The following MCTP1 variants were observed in gnomAD, a reference collection of about 807,000 sequenced individuals.
MCTP1 encodes the protein multiple C2 and transmembrane domain containing 1.
In MCTP1, 69 loss-of-function variants were observed where a neutral mutation model predicts 120.6. The ratio of observed to expected loss-of-function variants is 0.57; its 90% CI spans 0.47 to 0.70. The LOEUF is 0.70. Ranked by LOEUF, MCTP1 falls within the 30% of genes least tolerant of loss-of-function variation. The pLI is 0.00. For synonymous variants in MCTP1, 529 were observed against 493.1 expected (o/e 1.07, Z -0.96); for missense variants, 1,203 against 1,248.8 (o/e 0.96, Z 0.55).
intron 1 of MCTP1, among the ~76,000 whole-genome samples, chr5:95,223,800 C>A (rs189320292): frequency 6.6e-6 from 1 of 152,188 alleles, no homozygotes; most frequent in African/African-American, 2.4e-5. Context: ...ACAGTTCCCT[C>A]TTCAATGTTA....
chr5:94,993,436 T>C (rs17084355), intron 2 of MCTP1, among the ~76,000 whole-genome samples: 24,053 of 152,210 alleles, frequency 0.16, 2,136 homozygotes, highest in East Asian at 0.33. Flanking sequence ...TCTCTTTTTT[T>C]CCCAGGACTA....
At chr5:95,219,257 C>T (rs1753395855) in intron 1 of MCTP1, among the ~76,000 whole-genome samples, 1 of 151,696 alleles carries the variant, frequency 6.6e-6, no homozygotes, top group Admixed American at 6.6e-5. Flanking sequence ...TGGTGGGCAC[C>T]TGTAGTCCCA....
chr5:95,284,393 C>T lies in MCTP1; in HGVS notation c.183G>A (p.Pro61=), dbSNP rs1346936210. ...TGGCCGGTGCATTCCCTGTGCCCAC[C>T]GGGGGTGGCGGGGAGGGCGACGGGG... ...ADTPSPSPPP[P]VGTGNAPARG... Residue 61 remains proline, a synonymous_variant, in exon 1 of 23, where the codon CCG becomes CCA. Coordinates refer to ENST00000515393, the MANE Select transcript of MCTP1 (RefSeq NM_024717.7). This position sits in a 1 kb window ranked among gnomAD's most constrained non-coding sequence, Gnocchi z 5.2. 1.9e-6 allele frequency: 3 copies of T among 1,591,148 alleles called. No homozygotes were observed. The highest frequency in any genetic ancestry group is 1.7e-5 in the Admixed American group (1 of 59,562).
intron 2 of MCTP1, among the ~76,000 whole-genome samples, chr5:95,012,553 T>G (rs561072867): frequency 3.3e-5 from 5 of 152,194 alleles, no homozygotes; most frequent in Admixed American, 6.5e-5. Context: ...AAACAGCATA[T>G]GCTCACTTCA....
intron 1 of MCTP1, among the ~76,000 whole-genome samples, chr5:95,182,361 T>C (rs1748695957): frequency 6.6e-6 from 1 of 152,238 alleles, no homozygotes; most frequent in South Asian, 2.1e-4. Context: ...ATGCTCACTC[T>C]GTATGGTAGG....
intron 12 of MCTP1, among the ~76,000 whole-genome samples, chr5:94,886,673 G>A (rs1801410789): frequency 6.6e-6 from 1 of 152,178 alleles, no homozygotes; most frequent in Admixed American, 6.5e-5. Context: ...GCTAAGTTGA[G>A]GATTTGAAGA....
intron 1 of MCTP1, among the ~76,000 whole-genome samples, chr5:95,173,103 G>T (rs571697538): frequency 3.4e-4 from 51 of 152,100 alleles, no homozygotes; most frequent in African/African-American, 1.2e-3. Context: ...TTATTTTCTT[G>T]TATGGAGATC....
chr5:95,081,999 A>G lies in MCTP1; in HGVS notation c.721-64515T>C, dbSNP rs139816133. 3.6e-3 allele frequency: 676 copies of G among 186,194 alleles called. 8 individuals carry two copies. The highest frequency in any genetic ancestry group is 0.016 in the African/African-American group (643 of 41,150). The allele number at this position is 186,194 out of a possible 1,614,324, so 11.5% of individuals were successfully genotyped here. A position where few individuals can be genotyped will look rare whatever the true frequency, so the allele number is the denominator to read the frequency against. On this transcript the variant is annotated intron_variant, in intron 1 of 22. Coordinates refer to ENST00000515393, the MANE Select transcript of MCTP1 (RefSeq NM_024717.7). ...GCCAACATCTCCCAGAAAGACATCT[A>G]AAAAAAAAAGGAACACTAAAGTCAC...
At chr5:95,206,735 A>C (rs183295868) in intron 1 of MCTP1, among the ~76,000 whole-genome samples, 1,592 of 152,100 alleles carry the variant, frequency 0.01, 14 homozygotes, top group Middle Eastern at 0.031. Context: ...ACAGGGTTTC[A>C]CCATGTTGGC....
At position 94,940,161 on chromosome 5, in the gene MCTP1, G is replaced by A; in HGVS notation, c.1096C>T (p.His366Tyr). The change falls in exon 5 of 23, where the codon CAT becomes TAT. Residue 366 changes from histidine (H) to tyrosine (Y), a missense_variant. By Grantham distance (83) the His-to-Tyr change is moderately conservative (BLOSUM62 2). Around this residue, in one of 2 missense-constraint regions of MCTP1, gnomAD observed 740 missense variants for 871.1 expected, o/e 0.85. Coordinates refer to ENST00000515393, the MANE Select transcript of MCTP1 (RefSeq NM_024717.7). Reference protein sequence around the residue: ...TDVTLTLKDPHYPDHDLGIIL... With the variant: ...TDVTLTLKDPYYPDHDLGIIL... ...ATTCCAAGATCATGGTCAGGATAAT[G>A]AGGATCTTTCAGAGTAAGGGTCACA... 1.2e-6 allele frequency: 2 copies of A among 1,608,100 alleles called. No homozygotes were observed. The highest frequency in any genetic ancestry group is 1.7e-6 in the Non-Finnish European group (2 of 1,176,086).
chr5:94,737,758 C>T (rs984319331), intron 19 of MCTP1, among the ~76,000 whole-genome samples: 50 of 152,208 alleles, frequency 3.3e-4, no homozygotes, highest in African/African-American at 1.1e-3. Context: ...TCACTGCAAC[C>T]TTTGCCTCTG....
Position 95,230,088 on chromosome 5 carries a change from AC to A in MCTP1, c.720+53767del, listed in dbSNP as rs201137381. Reference sequence around the variant, plus strand: ...TGCAGAATATAATAAAGAGGAAGGTACCTTTCTTTAGTTAACAAACTCTTAT... The same window carrying A: ...TGCAGAATATAATAAAGAGGAAGGTACTTTCTTTAGTTAACAAACTCTTAT... On this transcript the variant is annotated intron_variant, in intron 1 of 22. Coordinates refer to ENST00000515393, the MANE Select transcript of MCTP1 (RefSeq NM_024717.7). Among the ~76,000 whole-genome samples, 1,114 of 152,136 alleles carry A rather than the reference AC, an allele frequency of 7.3e-3. 12 individuals are homozygous for A. Among genetic ancestry groups the A allele is most frequent in the South Asian group, 0.031 (147 of 4,812 alleles).
intron 1 of MCTP1, among the ~76,000 whole-genome samples, chr5:95,056,446 T>C (rs1747409638): frequency 6.6e-6 from 1 of 152,200 alleles, no homozygotes; most frequent in African/African-American, 2.4e-5. Context: ...TACAAGTATA[T>C]AATCTAGGTA....
chr5:94,782,346 C>T (rs1418480830), intron 18 of MCTP1, among the ~76,000 whole-genome samples: 1 of 151,942 alleles, frequency 6.6e-6, no homozygotes, highest in Non-Finnish European at 1.5e-5. Context: ...TAGAGGGGTA[C>T]AGGTAGAAGT....
intron 1 of MCTP1, among the ~76,000 whole-genome samples, chr5:95,171,086 G>A (rs528730870): frequency 6.6e-6 from 1 of 151,988 alleles, no homozygotes; most frequent in Non-Finnish European, 1.5e-5. Context: ...TATTTCAGGA[G>A]CTCTTGTAGG....
intron 1 of MCTP1, among the ~76,000 whole-genome samples, chr5:95,106,846 G>A (rs772921810): frequency 6.6e-6 from 1 of 152,102 alleles, no homozygotes; most frequent in Non-Finnish European, 1.5e-5. Flanking sequence ...ATTTTAAAGG[G>A]CAAGGAAATG....
chr5:95,158,645 G>A (rs1463838276), intron 1 of MCTP1, among the ~76,000 whole-genome samples: 3 of 152,168 alleles, frequency 2.0e-5, no homozygotes, highest in Admixed American at 6.5e-5. Context: ...CAAATTTAGG[G>A]ACATGTGCAA....
chr5:94,855,792 T>G (rs755813589), intron 17 of MCTP1, among the ~76,000 whole-genome samples: 4 of 151,824 alleles, frequency 2.6e-5, no homozygotes, highest in Non-Finnish European at 5.9e-5. Flanking sequence ...AACACCATGA[T>G]GAGATAAACA....
intron 3 of MCTP1, 65 bp downstream of exon 3, chr5:94,953,154 T>C (rs1319519876): frequency 1.4e-6 from 2 of 1,451,676 alleles, no homozygotes; most frequent in Non-Finnish European, 1.9e-6. Flanking sequence ...AGAAACATGA[T>C]AAAACCCAGT....
Sources: allele counts gnomAD v4.1 joint callset (sites outside exome capture counted in the v4.1 genomes callset), GRCh38; gene constraint gnomAD v4.1.1; regional missense constraint gnomAD v4.1.1; non-coding constraint Gnocchi (gnomAD v3.1); transcripts MANE v1.5; gene names NCBI Gene and HGNC (gene_info 2026-07-23, HGNC 2026-07-21).